Variants in COG3 observed in about 807,000 individuals in gnomAD.
COG3 encodes the protein component of oligomeric golgi complex 3, also known as conserved oligomeric Golgi complex subunit 3.
COG3 carries 32 observed loss-of-function variants against 114.1 expected under a neutral mutation model. That is an observed-to-expected ratio of 0.28 (90% CI 0.21 to 0.38). The LOEUF is 0.38. Among genes scored for constraint, COG3 ranks in the 10% least tolerant of loss-of-function variants. COG3 has a pLI of 1.00. For synonymous variants in COG3, 352 were observed against 365.7 expected, an observed-to-expected ratio of 0.96 and a Z score of 0.43; for missense variants, 813 against 973.2, an observed-to-expected ratio of 0.84 and a Z score of 2.19.
chr13:45,536,455 C>T lies in COG3; in HGVS notation c.*1724C>T, dbSNP rs189008867. ...AAAGTGCTGAGTAGGTAATAGTGAC[C>T]CAACTTGTTTGCTAAATGATTATTT... On this transcript the variant is annotated 3_prime_UTR_variant, in exon 23 of 23. Transcript: ENST00000349995. The T allele has an allele frequency of 4.0e-3, 613 of 152,154 alleles. 3 individuals are homozygous for T. Among genetic ancestry groups the T allele is most frequent in the African/African-American group, 0.014 (591 of 41,496 alleles). The allele number at this position is 152,154 out of a possible 1,614,324, so 9.4% of individuals were successfully genotyped here.
intron 17 of COG3, among the ~76,000 whole-genome samples, chr13:45,516,498 T>C (rs1212184929): frequency 1.3e-5 from 2 of 152,222 alleles, no homozygotes; most frequent in African/African-American, 2.4e-5. Context: ...ATTAGACTCA[T>C]TTAGACTCTG....
Position 45,483,215 on chromosome 13 carries a change from C to G in COG3, c.718-15C>G, listed in dbSNP as rs376325689. ...GTTCATTTCCACTTTGTAAATCTTT[C>G]TCTTTTCCTTACAGCCTAATTTTAA... On this transcript the variant is annotated splice_polypyrimidine_tract_variant and intron_variant, in intron 6 of 22. Transcript: ENST00000349995. The G allele has an allele frequency of 2.5e-6, 4 of 1,568,792 alleles. No homozygotes were observed. The highest frequency in any genetic ancestry group is 1.4e-5 in the African/African-American group (1 of 73,560).
rs1870898038 is a variant in COG3 at position 45,511,788 on chromosome 13, A to G, written c.1743A>G (p.Ser581=). The G allele has an allele frequency of 7.4e-6, 12 of 1,613,720 alleles. No homozygotes were observed. The highest frequency in any genetic ancestry group is 1.0e-5 in the Non-Finnish European group (12 of 1,179,808). The part of the protein sequence containing the change: ...CIDRAVFQGL[S]QEALSACIQS... ...AGAGGGCAGTGTTCCAAGGATTATC[A>G]CAGGAAGCATTGTCTGCCTGCATTC... Residue 581 remains serine, a synonymous_variant, in exon 16 of 23, where the codon TCA becomes TCG. Coordinates refer to ENST00000349995, the MANE Select transcript of COG3 (RefSeq NM_031431.4).
chr13:45,536,108 CT>C lies in COG3; in HGVS notation c.*1378del, dbSNP rs1873532473. On this transcript the variant is annotated 3_prime_UTR_variant, in exon 23 of 23. Coordinates refer to ENST00000349995, the MANE Select transcript of COG3 (RefSeq NM_031431.4). ...ACGTTGCTTGATTGAGCTTATTACT[CT>C]CTATTTTGAGAAGGTAGAAGGTAAG... The C allele has an allele frequency of 1.4e-5, 2 of 144,164 alleles. No homozygotes were observed. The highest frequency in any genetic ancestry group is 6.0e-5 in the African/African-American group (2 of 33,562). 8.9% of individuals were successfully genotyped at this position (144,164 alleles called of 1,614,324 possible).
chr13:45,531,178 T>A, intron 22 of COG3: 1 of 530,064 alleles, frequency 1.9e-6, no homozygotes, highest in Non-Finnish European at 2.4e-6. Flanking sequence ...GGTATTTGGC[T>A]ACACGAGTAA....
At chr13:45,470,701 T>G (rs1885420742) in intron 1 of COG3, among the ~76,000 whole-genome samples, 1 of 152,214 alleles carries the variant, frequency 6.6e-6, no homozygotes, top group South Asian at 2.1e-4. Context: ...TCAGATAGAC[T>G]TATAATCGTT....
At chr13:45,467,402 G>T (rs1229505568) in intron 1 of COG3, among the ~76,000 whole-genome samples, 2 of 152,218 alleles carry the variant, frequency 1.3e-5, no homozygotes, top group African/African-American at 2.4e-5. Flanking sequence ...GACCAGCCTG[G>T]CCAACATGGC....
chr13:45,519,783 A>G (rs1197159830), intron 19 of COG3, among the ~76,000 whole-genome samples: 1 of 152,134 alleles, frequency 6.6e-6, no homozygotes. Flanking sequence ...TCAGGAACCT[A>G]TTGCTGATAT....
chr13:45,466,018 T>C, intron 1 of COG3, among the ~76,000 whole-genome samples: 1 of 152,174 alleles, frequency 6.6e-6, no homozygotes, highest in East Asian at 1.9e-4. Context: ...GATTATTTTA[T>C]ATAAGCAGTG....
At chr13:45,532,242 A>G (rs570054625) in intron 22 of COG3, 2 of 152,276 alleles carry the variant, frequency 1.3e-5, no homozygotes, top group South Asian at 2.1e-4. Flanking sequence ...CACATTTTAA[A>G]AAGATATTTG....
rs183065754 is a variant in COG3 at position 45,516,148 on chromosome 13, G to A, written c.1815G>A (p.Gln605=). Residue 605 remains glutamine, a synonymous_variant, in exon 17 of 23, where the codon CAG becomes CAA. Transcript: ENST00000349995. The part of the protein sequence containing the change: ...ASESISKNKT[Q]IDGQLFLIKH... ...TTTTCTGTCTTATAATTTAGACTCA[G>A]ATTGATGGACAACTTTTCTTAATTA... is the stretch of plus-strand genomic sequence containing the variant. The A allele has an allele frequency of 3.2e-6, 5 of 1,565,910 alleles. No individual in the cohort carries two copies. The East Asian group carries it at 1.1e-4, about 35-fold the overall frequency.
At chr13:45,473,842 A>C (rs1308023560) in intron 1 of COG3, among the ~76,000 whole-genome samples, 3 of 152,194 alleles carry the variant, frequency 2.0e-5, no homozygotes, top group African/African-American at 7.2e-5. Flanking sequence ...CAGAACCCCT[A>C]GTGGCAGCAT....
intron 9 of COG3, among the ~76,000 whole-genome samples, 154 bp from the exon 10 acceptor site, chr13:45,491,258 T>TTTTCTA (rs1459889365): frequency 6.6e-6 from 1 of 152,240 alleles, no homozygotes; most frequent in Non-Finnish European, 1.5e-5. Context: ...TTTTGTTTTG[T>TTTTCTA]GTCTGTATTT....
At chr13:45,525,680 A>G (rs887260296) in intron 20 of COG3, among the ~76,000 whole-genome samples, 1 of 107,268 alleles carries the variant, frequency 9.3e-6, no homozygotes, top group African/African-American at 3.8e-5. Context: ...ATTTAAAATC[A>G]TGACTAACTT....
intron 13 of COG3, among the ~76,000 whole-genome samples, chr13:45,500,094 G>GTA (rs3083326): frequency 2.1e-4 from 24 of 114,888 alleles, no homozygotes; most frequent in South Asian, 6.3e-4. Flanking sequence ...GTGTGTGTGT[G>GTA]TATATATATA....
Position 45,509,642 on chromosome 13 carries a change from A to G in COG3, c.1595-50A>G, listed in dbSNP as rs752088315. The stretch of plus-strand genomic sequence containing the variant: ...TAGTTGCCATGTAAATTATTGTAAG[A>G]CAAATATCCACATGTGTGAAATGTG... On this transcript the variant is annotated intron_variant, in intron 14 of 22. Transcript: ENST00000349995. 3 of 1,599,120 alleles carry G rather than the reference A, an allele frequency of 1.9e-6. No individual in the cohort carries two copies. In the South Asian group the frequency reaches 3.4e-5, roughly 18 times the overall value.
At chr13:45,490,720 CTG>C (rs1400194625) in intron 8 of COG3, among the ~76,000 whole-genome samples, 193 bp from the exon 9 acceptor site, 4 of 150,832 alleles carry the variant, frequency 2.7e-5, no homozygotes, top group Middle Eastern at 3.4e-3. Flanking sequence ...AATATAGGAA[CTG>C]TGGATATAAA....
Position 45,508,386 on chromosome 13 carries a change from TTATATA to T in COG3, c.1595-1293_1595-1288del, listed in dbSNP as rs10571584. Among the ~76,000 whole-genome samples, 295 of 109,688 alleles carry T rather than the reference TTATATA, an allele frequency of 2.7e-3. 1 individual carries two copies. Among genetic ancestry groups the T allele is most frequent in the African/African-American group, 8.5e-3 (279 of 32,930 alleles). 72.0% of individuals were successfully genotyped at this position (109,688 alleles called of 152,430 possible). A position where few individuals can be genotyped will look rare whatever the true frequency, so the allele number is the denominator to read the frequency against. ...AACATTTTATTTTTTATATATATTT[TTATATA>T]TATATATATATACACACACACACAC... is the stretch of plus-strand genomic sequence containing the variant. On this transcript the variant is annotated intron_variant, in intron 14 of 22. Coordinates refer to ENST00000349995, the MANE Select transcript of COG3 (RefSeq NM_031431.4).
intron 1 of COG3, among the ~76,000 whole-genome samples, chr13:45,472,806 A>G (rs1322469461): frequency 6.6e-6 from 1 of 152,140 alleles, no homozygotes; most frequent in African/African-American, 2.4e-5. Flanking sequence ...TCCTTGTCTG[A>G]TAGTTCTAGT....
Sources: gnomAD v4.1 joint callset for allele counts (sites outside exome capture counted in the v4.1 genomes callset) on GRCh38, gnomAD v4.1.1 for gene constraint, MANE v1.5 for transcripts, NCBI Gene and HGNC (gene_info 2026-07-23, HGNC 2026-07-21) for gene names.